The following OLFM4 variants were observed in gnomAD, a reference collection of about 807,000 sequenced individuals.
OLFM4 encodes olfactomedin 4.
Under a neutral mutation model 25.5 loss-of-function variants are expected in OLFM4, and 22 were observed. That is an observed-to-expected ratio of 0.86 (90% CI 0.62 to 1.23). The LOEUF (loss-of-function observed/expected upper bound fraction) is 1.23. Ranked by LOEUF, OLFM4 falls within the 50% of genes most tolerant of loss-of-function variation. The pLI, the probability that OLFM4 is intolerant of heterozygous loss-of-function variation, is 0.00. For synonymous variants in OLFM4, 255 were observed against 237.7 expected (o/e 1.07, Z -0.67); for missense variants, 594 against 619.4 (o/e 0.96, Z 0.44).
In OLFM4 at chr13:53,043,243, G is replaced by A. The variant is rs778996469; in HGVS notation, c.709G>A (p.Val237Ile). ...CTCTAAAGATCAAAACACCCCTGTC[G>A]TCCACCCTCCTCCCACTCCAGGTAA... ...EASKDQNTPV[V>I]HPPPTPGSCG... The change falls in exon 4 of 5, where the codon GTC (valine) becomes ATC (isoleucine). Residue 237 changes from valine (V) to isoleucine (I), a missense_variant. Transcript: ENST00000219022. 10 of 1,607,986 alleles carry A rather than the reference G, an allele frequency of 6.2e-6. No homozygotes were observed. The highest frequency in any genetic ancestry group is 4.5e-5 in the East Asian group (2 of 44,660).
At chr13:53,041,834 T>G in intron 2 of OLFM4, 76 bp from the exon 3 acceptor site, 1 of 987,638 alleles carries the variant, frequency 1.0e-6, no homozygotes, top group Non-Finnish European at 1.6e-6. Context: ...AGTTCTCAAC[T>G]CAAGGGCTCG....
chr13:53,043,388 TTCAGTTCTCAG>T, intron 4 of OLFM4, 124 bp downstream of exon 4: 1 of 760,798 alleles, frequency 1.3e-6, no homozygotes, highest in Non-Finnish European at 1.9e-6. Context: ...TTTTTTTTTT[TTCAGTTCTCAG>T]TTTTCTCTTC....
chr13:53,036,806 G>C (rs1489881098), intron 2 of OLFM4, among the ~76,000 whole-genome samples: 1 of 152,204 alleles, frequency 6.6e-6, no homozygotes, highest in Non-Finnish European at 1.5e-5. Context: ...GCCAGGTGTT[G>C]TCTCTCCCAT....
Position 53,050,021 on chromosome 13 carries a change from G to A in OLFM4, c.783G>A (p.Gln261=), listed in dbSNP as rs1338090108. 6.2e-7 allele frequency: 1 copy of A among 1,613,180 alleles called. No individual in the cohort carries two copies. The highest frequency in any genetic ancestry group is 1.7e-5 in the Admixed American group (1 of 60,010). ...VVNISKPSVV[Q]LNWRGFSYLY... ...ACATCAGCAAACCGTCTGTGGTTCA[G>A]CTCAACTGGAGAGGGTTTTCTTATC... Residue 261 remains glutamine, a synonymous_variant, in exon 5 of 5, where the codon CAG becomes CAA. Transcript: ENST00000219022.
intron 4 of OLFM4, 54 bp downstream of exon 4, chr13:53,043,318 A>G: frequency 8.3e-7 from 1 of 1,211,766 alleles, no homozygotes; most frequent in South Asian, 1.7e-5. Context: ...AGGAGCTGTG[A>G]GTGGGGTGGG....
At chr13:53,039,644 A>G (rs1202938143) in intron 2 of OLFM4, among the ~76,000 whole-genome samples, 2 of 152,160 alleles carry the variant, frequency 1.3e-5, no homozygotes, top group Non-Finnish European at 2.9e-5. Context: ...ATTTTCTGTC[A>G]GAGTCTTAAG....
At chr13:53,047,465 A>C (rs1350459785) in intron 4 of OLFM4, among the ~76,000 whole-genome samples, 1 of 152,170 alleles carries the variant, frequency 6.6e-6, no homozygotes, top group East Asian at 1.9e-4. Flanking sequence ...AGCAATGTTG[A>C]GTTCTCATCC....
rs775281872 is a variant in OLFM4, at chr13:53,043,222, A to G, written c.688A>G (p.Lys230Glu). The change falls in exon 4 of 5, where the codon AAA (lysine) becomes GAA (glutamate). Residue 230 changes from lysine (K) to glutamate (E), a missense_variant. Physicochemically the swap from Lys to Glu is moderately conservative, Grantham distance 56. Transcript: ENST00000219022. ...KTKLKECEAS[K>E]DQNTPVVHPP... ...CAAGCTGAAAGAGTGTGAGGCCTCT[A>G]AAGATCAAAACACCCCTGTCGTCCA... The G allele has an allele frequency of 2.4e-5, 39 of 1,611,860 alleles. No individual in the cohort carries two copies. The East Asian group carries it at 8.0e-4, about 33-fold the overall frequency.
rs199789943 is a variant in OLFM4, at chr13:53,050,624, G to C, written c.1386G>C (p.Gly462=). The C allele has an allele frequency of 7.4e-6, 12 of 1,613,990 alleles. No individual in the cohort carries two copies. The highest frequency in any genetic ancestry group is 2.2e-5 in the East Asian group (1 of 44,860). The change falls in exon 5 of 5, where the codon GGG becomes GGC. Residue 462 remains glycine, a synonymous_variant. Transcript: ENST00000219022. The part of the protein sequence containing the change: ...EIFYYYDTNT[G]KEGKLDIVMH... ...TTTACTATTATGACACAAACACAGG[G>C]AAAGAGGGCAAACTAGACATTGTAA...
rs117593555 is a variant in OLFM4 at position 53,050,609 on chromosome 13, T to C, written c.1371T>C (p.Tyr457=). ...GAACAGAAGAGATTTTTTACTATTA[T>C]GACACAAACACAGGGAAAGAGGGCA... is the stretch of plus-strand genomic sequence containing the variant. ...NTRTEEIFYY[Y]DTNTGKEGKL... is the part of the protein sequence containing the mutation. Residue 457 remains tyrosine, a synonymous_variant, in exon 5 of 5, where the codon TAT becomes TAC. Coordinates refer to ENST00000219022, the MANE Select transcript of OLFM4 (RefSeq NM_006418.5). 4 of 1,613,914 alleles carry C rather than the reference T, an allele frequency of 2.5e-6. No individual in the cohort carries two copies. The highest frequency in any genetic ancestry group is 2.2e-5 in the East Asian group (1 of 44,864).
In OLFM4 at chr13:53,051,774, G is replaced by A. The variant is rs1337748402; in HGVS notation, c.*1003G>A. Reference sequence around the variant, plus strand: ...CTTATGAGTGTATCAGTTGTTGCATGTAATTTTTGCCTTTGTTTAAGCCTG... The same window carrying A: ...CTTATGAGTGTATCAGTTGTTGCATATAATTTTTGCCTTTGTTTAAGCCTG... On this transcript the variant is annotated 3_prime_UTR_variant, in exon 5 of 5. Transcript: ENST00000219022. The A allele has an allele frequency of 6.6e-6, 1 of 152,118 alleles. No homozygotes were observed. The highest frequency in any genetic ancestry group is 1.5e-5 in the Non-Finnish European group (1 of 68,006). 9.4% of individuals were successfully genotyped at this position (152,118 alleles called of 1,614,324 possible).
At chr13:53,040,880 A>G (rs1040359347) in intron 2 of OLFM4, among the ~76,000 whole-genome samples, 3 of 152,330 alleles carry the variant, frequency 2.0e-5, no homozygotes, top group African/African-American at 7.2e-5. Flanking sequence ...AAAGGGCTCA[A>G]TATCACTTGA....
chr13:53,034,370 C>G lies in OLFM4; in HGVS notation c.227C>G (p.Ser76Cys). The change falls in exon 2 of 5, where the codon TCC becomes TGC. Residue 76 changes from serine (S) to cysteine (C), a missense_variant. Transcript: ENST00000219022. ...VSQLFSNFTGSVDDRGTCQCS... is the reference protein window; with the variant it reads ...VSQLFSNFTGCVDDRGTCQCS... ...CAGTTGTTTTCCAATTTCACCGGCT[C>G]CGTGGATGACCGTGGGACCTGCCAG... The G allele has an allele frequency of 1.9e-6, 3 of 1,613,244 alleles. No individual in the cohort carries two copies. The highest frequency in any genetic ancestry group is 2.5e-6 in the Non-Finnish European group (3 of 1,179,820).
chr13:53,034,650 C>A, intron 2 of OLFM4, 150 bp downstream of exon 2: 1 of 726,330 alleles, frequency 1.4e-6, no homozygotes, highest in Non-Finnish European at 2.2e-6. Flanking sequence ...TATAGGACAC[C>A]AATGGAGTTC....
chr13:53,035,273 T>C (rs982709519), intron 2 of OLFM4, among the ~76,000 whole-genome samples: 6 of 151,930 alleles, frequency 3.9e-5, no homozygotes, highest in African/African-American at 1.4e-4. Context: ...TTTTTTCTAT[T>C]TTCTCCAAGT....
At chr13:53,047,585 G>A (rs2138242048) in intron 4 of OLFM4, among the ~76,000 whole-genome samples, 1 of 152,228 alleles carries the variant, frequency 6.6e-6, no homozygotes, top group South Asian at 2.1e-4. Context: ...GTTTAGGAAT[G>A]TTTGGGAGGT....
intron 4 of OLFM4, among the ~76,000 whole-genome samples, chr13:53,048,050 A>G (rs1421496570): frequency 6.6e-6 from 1 of 152,208 alleles, no homozygotes; most frequent in Non-Finnish European, 1.5e-5. Context: ...TACTTTAGCT[A>G]GAAAATCCAG....
chr13:53,043,323 G>C, intron 4 of OLFM4, 59 bp downstream of exon 4: 16 of 1,398,590 alleles, frequency 1.1e-5, no homozygotes, highest in Non-Finnish European at 1.5e-5. Context: ...CTGTGAGTGG[G>C]GTGGGGAAGG....
rs1363233467 is a variant in OLFM4 at position 53,051,298 on chromosome 13, C to T, written c.*527C>T. On this transcript the variant is annotated 3_prime_UTR_variant, in exon 5 of 5. Coordinates refer to ENST00000219022, the MANE Select transcript of OLFM4 (RefSeq NM_006418.5). ...ACCTGGAATGATGCTTTGTATGTGGCAGATAAGTAAATTTGGCATGCTTAT... is the reference window on the plus strand; with the variant it reads ...ACCTGGAATGATGCTTTGTATGTGGTAGATAAGTAAATTTGGCATGCTTAT... The T allele has an allele frequency of 6.6e-6, 1 of 152,396 alleles. No homozygotes were observed. Among genetic ancestry groups the T allele is most frequent in the East Asian group, 1.9e-4 (1 of 5,178 alleles). The allele number at this position is 152,396 out of a possible 1,614,324, so 9.4% of individuals were successfully genotyped here.
Sources: gnomAD v4.1 joint callset for allele counts (sites outside exome capture counted in the v4.1 genomes callset) on GRCh38, gnomAD v4.1.1 for gene constraint, MANE v1.5 for transcripts, NCBI Gene and HGNC (gene_info 2026-07-23, HGNC 2026-07-21) for gene names.